Variants in LAMC1 observed in about 807,000 individuals in gnomAD.
LAMC1 encodes laminin subunit gamma-1.
LAMC1 carries 38 observed loss-of-function variants against 173.6 expected under a neutral mutation model. The observed-to-expected ratio is 0.22, with a 90% CI of 0.17 to 0.29. LAMC1 has a LOEUF of 0.29. Ranked by LOEUF, LAMC1 falls within the 10% of genes least tolerant of loss-of-function variation. The pLI is 1.00. For synonymous variants in LAMC1, 746 were observed against 749.1 expected (o/e 1.00, Z 0.07); for missense variants, 1,824 against 2,051.8 (o/e 0.89, Z 2.14).
At chr1:183,084,369 T>A (rs56360716) in intron 1 of LAMC1, among the ~76,000 whole-genome samples, 1,829 of 152,036 alleles carry the variant, frequency 0.012, 20 homozygotes, top group Middle Eastern at 0.024. Flanking sequence ...AAGCATATTA[T>A]TTACAACATC....
rs1654205560 is a variant in LAMC1, at chr1:183,044,067, T to C, written c.418+19933T>C. 1.6e-4 allele frequency among the ~76,000 whole-genome samples: 25 copies of C among 152,128 alleles called. 1 individual carries two copies. Among genetic ancestry groups the C allele is most frequent in the Admixed American group, 1.6e-3 (25 of 15,266 alleles). On this transcript the variant is annotated intron_variant, in intron 1 of 27. Coordinates refer to ENST00000258341, the MANE Select transcript of LAMC1 (RefSeq NM_002293.4). The stretch of plus-strand genomic sequence containing the variant: ...TCTAGGAATCTTTAGTCACTCAGTT[T>C]TGAGGATGACTGTGTAAATGGTTAT...
At chr1:183,074,530 G>A (rs1043615691) in intron 1 of LAMC1, among the ~76,000 whole-genome samples, 12 of 152,204 alleles carry the variant, frequency 7.9e-5, no homozygotes, top group Non-Finnish European at 1.5e-4. Flanking sequence ...GCTGCAGTCT[G>A]TAAGGACCTG....
chr1:183,140,389 A>AT lies in LAMC1; in HGVS notation c.4474-10dup. The stretch of plus-strand genomic sequence containing the variant: ...ACATACAGTCAAGACTCTTTGCCTC[A>AT]TTTTTCCCTTACAGGCTTCACAGGC... On this transcript the variant is annotated splice_polypyrimidine_tract_variant and intron_variant, in intron 26 of 27. Transcript: ENST00000258341. 6.3e-7 allele frequency: 1 copy of AT among 1,581,366 alleles called. No homozygotes were observed.
intron 4 of LAMC1, among the ~76,000 whole-genome samples, chr1:183,113,351 A>G (rs1656217741): frequency 6.6e-6 from 1 of 152,326 alleles, no homozygotes; most frequent in African/African-American, 2.4e-5. Context: ...GGTTAGAAGA[A>G]GTCTGCATTA....
chr1:183,079,258 TTTTTTTTTTTTTTTG>T, intron 1 of LAMC1, among the ~76,000 whole-genome samples: 1 of 101,026 alleles, frequency 9.9e-6, no homozygotes, highest in African/African-American at 3.5e-5. Context: ...TTTTTTTTTT[TTTTTTTTTTTTTTTG>T]AGATGGAGTC....
In LAMC1 at chr1:183,117,681, G is replaced by A; in HGVS notation, c.1835G>A (p.Gly612Asp). The A allele has an allele frequency of 1.9e-6, 3 of 1,614,222 alleles. No homozygotes were observed. Among genetic ancestry groups the A allele is most frequent in the Non-Finnish European group, 2.5e-6 (3 of 1,180,052 alleles). Residue 612 changes from glycine (G) to aspartate (D), a missense_variant, in exon 10 of 28, where the codon GGC (glycine) becomes GAC (aspartate). Physicochemically the swap from Gly to Asp is moderately conservative, Grantham distance 94. Coordinates refer to ENST00000258341, the MANE Select transcript of LAMC1 (RefSeq NM_002293.4). ...LRVSVPLIAQ[G>D]NSYPSETTVK... ...GTATCTGTACCCTTGATCGCTCAGGGCAATTCCTATCCAAGTGAGACCACT... is the reference window on the plus strand; with the variant it reads ...GTATCTGTACCCTTGATCGCTCAGGACAATTCCTATCCAAGTGAGACCACT...
At chr1:183,094,126 T>G (rs907451180) in intron 1 of LAMC1, among the ~76,000 whole-genome samples, 8 of 152,150 alleles carry the variant, frequency 5.3e-5, no homozygotes, top group Non-Finnish European at 7.3e-5. Context: ...CTAATACCTT[T>G]CCACCTTACT....
chr1:183,103,484 GCTT>G lies in LAMC1; in HGVS notation c.577_579del (p.Phe193del), dbSNP rs764087017. The G allele has an allele frequency of 3.7e-6, 6 of 1,614,188 alleles. No homozygotes were observed. Among genetic ancestry groups the G allele is most frequent in the Admixed American group, 1.7e-5 (1 of 60,014 alleles). ...AACACCTACTCCAAGGCAAACCGCG[GCTT>G]CATCAGGACAGGAGGGGACGAGCAG... On this transcript the variant is annotated inframe_deletion, in exon 2 of 28. Coordinates refer to ENST00000258341, the MANE Select transcript of LAMC1 (RefSeq NM_002293.4).
At position 183,023,739 on chromosome 1, in the gene LAMC1, C is replaced by T; in HGVS notation, c.23C>T (p.Ala8Val). 1 of 1,196,904 alleles carries T rather than the reference C, an allele frequency of 8.4e-7. No homozygotes were observed. Among genetic ancestry groups the T allele is most frequent in the Non-Finnish European group, 1.0e-6 (1 of 957,566 alleles). The allele number at this position is 1,196,904 out of a possible 1,614,324, so 74.1% of individuals were successfully genotyped here. MRGSHRA[A>V]PALRPRGRLW... is the part of the protein sequence containing the mutation. ...GGGATGAGAGGGAGCCATCGGGCCG[C>T]GCCGGCCCTGCGGCCCCGGGGGCGG... is the stretch of plus-strand genomic sequence containing the variant. The change falls in exon 1 of 28, where the codon GCG becomes GTG. Residue 8 changes from alanine (A) to valine (V), a missense_variant. Coordinates refer to ENST00000258341, the MANE Select transcript of LAMC1 (RefSeq NM_002293.4).
chr1:183,045,004 A>G lies in LAMC1; in HGVS notation c.418+20870A>G, dbSNP rs1420078177. Among the ~76,000 whole-genome samples, 7 of 151,852 alleles carry G rather than the reference A, an allele frequency of 4.6e-5. No individual in the cohort carries two copies. The East Asian group carries it at 1.2e-3, about 25-fold the overall frequency. On this transcript the variant is annotated intron_variant, in intron 1 of 27. Coordinates refer to ENST00000258341, the MANE Select transcript of LAMC1 (RefSeq NM_002293.4). ...TTAAAATGTAATACTTCCCTTGTAC[A>G]TTCTTAATACTGATTTCCAGTGAAC...
In LAMC1 at chr1:183,096,967, T is replaced by A. The variant is rs992454172; in HGVS notation, c.419-6361T>A. Among the ~76,000 whole-genome samples the A allele has an allele frequency of 1.1e-4, 17 of 152,322 alleles. No individual in the cohort carries two copies. The East Asian group carries it at 3.1e-3, about 28-fold the overall frequency. ...GTACCAGACCATCTTGGTATATTCC[T>A]TATGTGCTTAGTTGTTCTGTAGTGC... On this transcript the variant is annotated intron_variant, in intron 1 of 27. Coordinates refer to ENST00000258341, the MANE Select transcript of LAMC1 (RefSeq NM_002293.4).
Position 183,124,844 on chromosome 1 carries a change from C to T in LAMC1, c.2615C>T (p.Pro872Leu), listed in dbSNP as rs1433538887. ...TGCAAAGACGGATTTTTTGGAAATC[C>T]CCTGGCTCCCAATCCAGCAGACAAA... is the stretch of plus-strand genomic sequence containing the variant. ...DRCKDGFFGN[P>L]LAPNPADKCK... Residue 872 changes from proline (P) to leucine (L), a missense_variant, in exon 14 of 28, where the codon CCC becomes CTC. Transcript: ENST00000258341. The T allele has an allele frequency of 3.1e-6, 5 of 1,614,098 alleles. No individual in the cohort carries two copies. The highest frequency in any genetic ancestry group is 2.2e-5 in the East Asian group (1 of 44,880).
intron 4 of LAMC1, among the ~76,000 whole-genome samples, chr1:183,113,387 G>T (rs1443171589): frequency 1.6e-5 from 2 of 125,720 alleles, no homozygotes; most frequent in African/African-American, 2.7e-5. Context: ...TTCCAAAAAA[G>T]ATGTATTCGA....
In LAMC1 at chr1:183,116,664, C is replaced by G; in HGVS notation, c.1416C>G (p.Phe472Leu). The G allele has an allele frequency of 1.2e-6, 2 of 1,612,778 alleles. No homozygotes were observed. The highest frequency in any genetic ancestry group is 1.7e-6 in the Non-Finnish European group (2 of 1,178,840). Residue 472 changes from phenylalanine to leucine, a missense_variant, in exon 7 of 28, where the codon TTC becomes TTG. Physicochemically the swap from Phe to Leu is conservative, Grantham distance 22 (BLOSUM62 0). Coordinates refer to ENST00000258341, the MANE Select transcript of LAMC1 (RefSeq NM_002293.4). The part of the protein sequence containing the change: ...RCVCKDNVEG[F>L]NCERCKPGFF... ...TTTGCAAAGACAATGTCGAAGGCTT[C>G]AATTGTGAAAGGTAGTGCATTCTTT... is the stretch of plus-strand genomic sequence containing the variant.
chr1:183,080,046 C>G (rs1655228880), intron 1 of LAMC1, among the ~76,000 whole-genome samples: 1 of 152,044 alleles, frequency 6.6e-6, no homozygotes, highest in Non-Finnish European at 1.5e-5. Context: ...GAGTTCGAGA[C>G]TAGGCTGGCA....
At chr1:183,053,661 T>C (rs1313151722) in intron 1 of LAMC1, among the ~76,000 whole-genome samples, 4 of 152,162 alleles carry the variant, frequency 2.6e-5, no homozygotes, top group Non-Finnish European at 5.9e-5. Flanking sequence ...AGTCTTGCTC[T>C]GTTGCCCAGG....
At chr1:183,071,340 A>C (rs1435335719) in intron 1 of LAMC1, among the ~76,000 whole-genome samples, 1 of 152,058 alleles carries the variant, frequency 6.6e-6, no homozygotes, top group Non-Finnish European at 1.5e-5. Flanking sequence ...TTGAAAATTG[A>C]AGCTGTGTCC....
In LAMC1 at chr1:183,103,480, C is replaced by T. The variant is rs770967430; in HGVS notation, c.571C>T (p.Arg191Cys). The T allele has an allele frequency of 8.7e-6, 14 of 1,614,022 alleles. No homozygotes were observed. Among genetic ancestry groups the T allele is most frequent in the Admixed American group, 1.7e-5 (1 of 59,992 alleles). ...SCENTYSKAN[R>C]GFIRTGGDEQ... Reference sequence around the variant, plus strand: ...TGAGAACACCTACTCCAAGGCAAACCGCGGCTTCATCAGGACAGGAGGGGA... The same window carrying T: ...TGAGAACACCTACTCCAAGGCAAACTGCGGCTTCATCAGGACAGGAGGGGA... Residue 191 changes from arginine to cysteine, a missense_variant, in exon 2 of 28, where the codon CGC becomes TGC. Arg to Cys is a radical substitution (Grantham distance 180). Transcript: ENST00000258341.
chr1:183,056,846 G>C (rs1308778979), intron 1 of LAMC1, among the ~76,000 whole-genome samples: 2 of 152,200 alleles, frequency 1.3e-5, no homozygotes, highest in Non-Finnish European at 2.9e-5. Context: ...ATGCAGACTT[G>C]TACTTCATGG....
Sources: allele counts gnomAD v4.1 joint callset (sites outside exome capture counted in the v4.1 genomes callset), GRCh38; gene constraint gnomAD v4.1.1; transcripts MANE v1.5; gene names NCBI Gene and HGNC (gene_info 2026-07-23, HGNC 2026-07-21).